ACACA: variants seen among roughly 807,000 people sequenced by gnomAD.
The protein encoded by ACACA is acetyl-CoA carboxylase alpha.
ACACA carries 103 observed loss-of-function variants against 296.1 expected under a neutral mutation model. The ratio of observed to expected loss-of-function variants is 0.35; its 90% CI spans 0.30 to 0.41. ACACA has a LOEUF of 0.41. Among genes scored for constraint, ACACA ranks in the 10% least tolerant of loss-of-function variants. ACACA has a pLI of 1.00. For synonymous variants in ACACA, 953 were observed against 1,038.6 expected (o/e 0.92, Z 1.58); for missense variants, 1,554 against 2,989.7 (o/e 0.52, Z 11.20).
chr17:37,275,889 G>A, intron 8 of ACACA, 62 bp downstream of exon 8: 2 of 1,401,042 alleles, frequency 1.4e-6, no homozygotes, highest in Non-Finnish European at 1.0e-6. Context: ...AAAGAGGTAA[G>A]TCCCAAATAT....
intron 1 of ACACA, among the ~76,000 whole-genome samples, chr17:37,368,516 G>T (rs1368047813): frequency 6.6e-6 from 1 of 152,054 alleles, no homozygotes; most frequent in African/African-American, 2.4e-5. Flanking sequence ...AGGTGGTGGT[G>T]GTTGCAGTGA....
chr17:37,200,476 G>T lies in ACACA; in HGVS notation c.4064C>A (p.Thr1355Asn). The change falls in exon 34 of 56, where the codon ACC becomes AAC. Residue 1355 changes from threonine to asparagine, a missense_variant. Physicochemically the swap from Thr to Asn is moderately conservative, Grantham distance 65. Transcript: ENST00000616317. ...GCGCCGGATCCCATGGTCAACCAGG[G>T]TAGCTTTCTAGGAGCAAAAACATGT... is the stretch of plus-strand genomic sequence containing the variant. ...FREFTQQNKA[T>N]LVDHGIRRLT... 1.9e-6 allele frequency: 3 copies of T among 1,612,914 alleles called. No homozygotes were observed. The highest frequency in any genetic ancestry group is 2.5e-6 in the Non-Finnish European group (3 of 1,178,942).
At chr17:37,206,962 A>G in intron 31 of ACACA, 83 bp from the exon 32 acceptor site, 1 of 1,215,704 alleles carries the variant, frequency 8.2e-7, no homozygotes, top group South Asian at 1.2e-5. Flanking sequence ...AGTCTAAAAG[A>G]ATAATCTATC....
rs73285172 is a variant in ACACA at position 37,353,267 on chromosome 17, C to T, written c.39-13417G>A. Among the ~76,000 whole-genome samples, 936 of 152,206 alleles carry T rather than the reference C, an allele frequency of 6.1e-3. 10 individuals are homozygous for T. The highest frequency in any genetic ancestry group is 0.022 in the African/African-American group (901 of 41,534). On this transcript the variant is annotated intron_variant, in intron 1 of 55. Transcript: ENST00000616317. ...ATAAACTTAAAAACTAATCAAGCTC[C>T]TATCAACCTACTATTCCAAATCTTG...
intron 23 of ACACA, among the ~76,000 whole-genome samples, chr17:37,241,307 T>A (rs1301510850): frequency 6.6e-6 from 1 of 152,098 alleles, no homozygotes; most frequent in Non-Finnish European, 1.5e-5. Flanking sequence ...ATAGGCTCCA[T>A]AAGCTAAGAA....
At chr17:37,283,122 T>C (rs1008925943) in intron 5 of ACACA, 145 bp downstream of exon 5, 2 of 1,019,104 alleles carry the variant, frequency 2.0e-6, no homozygotes, top group Admixed American at 2.1e-5. Context: ...TACTGACACA[T>C]TTTAAACAGA....
At chr17:37,365,576 A>C (rs2049578114) in intron 1 of ACACA, 1 of 985,470 alleles carries the variant, frequency 1.0e-6, no homozygotes, top group Non-Finnish European at 1.2e-6. Context: ...CCTTGCCCAC[A>C]ACTGTGGCTC....
At chr17:37,342,224 A>G (rs1317891607) in intron 1 of ACACA, among the ~76,000 whole-genome samples, 1 of 151,190 alleles carries the variant, frequency 6.6e-6, no homozygotes, top group Non-Finnish European at 1.5e-5. Context: ...GCTGGCCAAC[A>G]TGGTGAAACC....
At chr17:37,286,814 C>T (rs1229867959) in intron 3 of ACACA, among the ~76,000 whole-genome samples, 5 of 151,926 alleles carry the variant, frequency 3.3e-5, no homozygotes, top group Non-Finnish European at 7.4e-5. Flanking sequence ...CCCAGAGGTC[C>T]AGGCACCAGC....
chr17:37,115,350 C>A (rs905558118), intron 50 of ACACA, among the ~76,000 whole-genome samples: 2 of 152,076 alleles, frequency 1.3e-5, no homozygotes, highest in Non-Finnish European at 2.9e-5. Flanking sequence ...GTGTAATTAG[C>A]AGTACATTTT....
At chr17:37,255,192 A>G (rs571851180) in intron 14 of ACACA, among the ~76,000 whole-genome samples, 7 of 152,310 alleles carry the variant, frequency 4.6e-5, no homozygotes, top group Admixed American at 3.9e-4. Flanking sequence ...AATCCATTCA[A>G]CCAACGTTTA....
chr17:37,376,095 G>A (rs2147704496), intron 1 of ACACA: 1 of 1,612,294 alleles, frequency 6.2e-7, no homozygotes, highest in Non-Finnish European at 8.5e-7. Context: ...AAGCTAACAT[G>A]GATACCATCT....
rs139996652 is a variant in ACACA, at chr17:37,269,019, T to C, written c.1119+1732A>G. On this transcript the variant is annotated intron_variant, in intron 10 of 55. Coordinates refer to ENST00000616317, the MANE Select transcript of ACACA (RefSeq NM_198834.3). ...ACTCTCTGAGTCACTGATCTACCTATGAAATTAGAATTCAATGAAAAAAAT... is the reference window on the plus strand; with the variant it reads ...ACTCTCTGAGTCACTGATCTACCTACGAAATTAGAATTCAATGAAAAAAAT... Among the ~76,000 whole-genome samples, 197 of 136,148 alleles carry C rather than the reference T, an allele frequency of 1.4e-3. 1 individual carries two copies. Among genetic ancestry groups the C allele is most frequent in the African/African-American group, 5.4e-3 (189 of 34,754 alleles). 89.3% of individuals were successfully genotyped at this position (136,148 alleles called of 152,430 possible).
At chr17:37,112,331 G>T (rs999535414) in intron 51 of ACACA, among the ~76,000 whole-genome samples, 1 of 152,058 alleles carries the variant, frequency 6.6e-6, no homozygotes, top group Non-Finnish European at 1.5e-5. Flanking sequence ...TATGTACATG[G>T]CACTGTTCTA....
rs372940894 is a variant in ACACA at position 37,149,851 on chromosome 17, C to T, written c.5679+13G>A. 79 of 1,608,646 alleles carry T rather than the reference C, an allele frequency of 4.9e-5. 1 individual carries two copies. In the Middle Eastern group the frequency reaches 1.5e-3, roughly 30 times the overall value. ...TCAGCTATGCATACTTCTTCAAAAC[C>T]CTAGAAACTTACTTTGTTGAGGGCT... On this transcript the variant is annotated intron_variant, in intron 45 of 55. Coordinates refer to ENST00000616317, the MANE Select transcript of ACACA (RefSeq NM_198834.3).
chr17:37,133,867 C>T (rs2075216457), intron 45 of ACACA, among the ~76,000 whole-genome samples: 1 of 152,116 alleles, frequency 6.6e-6, no homozygotes, highest in Non-Finnish European at 1.5e-5. Flanking sequence ...AGAAGCAGTA[C>T]CATGCAATAT....
chr17:37,207,864 C>T (rs891281845), intron 30 of ACACA, 64 bp from the exon 31 acceptor site: 6 of 1,584,312 alleles, frequency 3.8e-6, no homozygotes, highest in Non-Finnish European at 5.2e-6. Flanking sequence ...GGGAAAGTAA[C>T]AGTAGGGAAA....
intron 3 of ACACA, among the ~76,000 whole-genome samples, chr17:37,287,587 A>AC (rs1441143768): frequency 4.7e-4 from 70 of 147,496 alleles, no homozygotes; most frequent in African/African-American, 1.5e-3. Flanking sequence ...AAAAAAAAAA[A>AC]AAACAAATAT....
intron 3 of ACACA, among the ~76,000 whole-genome samples, chr17:37,319,117 G>A (rs2047228206): frequency 6.6e-6 from 1 of 151,804 alleles, no homozygotes; most frequent in African/African-American, 2.4e-5. Context: ...CCTCTTAAAC[G>A]AGTCACTAGT....
Sources: allele counts gnomAD v4.1 joint callset (sites outside exome capture counted in the v4.1 genomes callset), GRCh38; gene constraint gnomAD v4.1.1; transcripts MANE v1.5; gene names NCBI Gene and HGNC (gene_info 2026-07-23, HGNC 2026-07-21).